GPR89B: variants seen among roughly 807,000 people sequenced by gnomAD.
GPR89B encodes the protein golgi pH regulator B, also known as G protein-coupled receptor 89B.
In GPR89B, 25 loss-of-function variants were observed where a neutral mutation model predicts 52.4. The observed-to-expected ratio is 0.48, with a 90% CI of 0.35 to 0.67. GPR89B has a LOEUF of 0.67. Among genes scored for constraint, GPR89B ranks in the 30% least tolerant of loss-of-function variants. The pLI is 0.01. For missense variants in GPR89B, 146 were observed against 450.2 expected (o/e 0.32, Z 6.11); for synonymous variants, 52 against 151.2 (o/e 0.34, Z 4.81).
At chr1:147,969,167 A>C (rs1403926941) in intron 9 of GPR89B, 2 of 503,710 alleles carry the variant, frequency 4.0e-6, no homozygotes, top group East Asian at 6.8e-5. Context: ...GAACACTCTC[A>C]AAAGTAGCAA....
intron 5 of GPR89B, among the ~76,000 whole-genome samples, chr1:147,952,218 C>G (rs1287191415): frequency 6.6e-6 from 1 of 152,082 alleles, no homozygotes; most frequent in Non-Finnish European, 1.5e-5. Context: ...TTTGTAATGG[C>G]TCCAAAATCA....
At chr1:148,003,382 C>G in the GPR89B span, among the ~76,000 whole-genome samples, 1 of 152,010 alleles carries the variant, frequency 6.6e-6, no homozygotes, top group Non-Finnish European at 1.5e-5. Flanking sequence ...CTGGCTCACA[C>G]CGGCTCACAA....
At chr1:147,934,317 C>T (rs1653903032) in intron 1 of GPR89B, among the ~76,000 whole-genome samples, 1 of 152,130 alleles carries the variant, frequency 6.6e-6, no homozygotes, top group Non-Finnish European at 1.5e-5. Flanking sequence ...GCTGGAACTA[C>T]AGGCATGCAC....
chr1:147,996,004 T>C, downstream of GPR89B: 1 of 713,346 alleles, frequency 1.4e-6, no homozygotes, highest in South Asian at 1.8e-5. Context: ...TTATTATTTC[T>C]CCTTGAGGTA....
chr1:147,997,479 C>A (rs1241930733), downstream of GPR89B, among the ~76,000 whole-genome samples: 2 of 152,044 alleles, frequency 1.3e-5, no homozygotes, highest in Non-Finnish European at 2.9e-5. Context: ...CGCAGCCCCC[C>A]AGATTCTCAG....
chr1:147,982,113 G>A (rs1476385815), intron 10 of GPR89B, among the ~76,000 whole-genome samples: 2 of 151,822 alleles, frequency 1.3e-5, no homozygotes, highest in East Asian at 3.8e-4. Flanking sequence ...AGGCTGGAGT[G>A]CAGTGGTGCA....
rs781968148 is a variant in GPR89B, at chr1:147,938,810, A to G, written c.199A>G (p.Asn67Asp). Residue 67 changes from asparagine to aspartate, a missense_variant, in exon 3 of 14, where the codon AAT (asparagine) becomes GAT (aspartate). Asn to Asp is a conservative substitution (Grantham distance 23, BLOSUM62 1). Coordinates refer to ENST00000314163, the MANE Select transcript of GPR89B (RefSeq NM_016334.5). ...CATCTTTGAAATCTTAGGAGTATTG[A>G]ATAGCAGGTGAGTAAGAGTACTGAA... ...LIIFEILGVL[N>D]SSSRYFHWKM... The G allele has an allele frequency of 4.5e-6, 7 of 1,562,742 alleles. No individual in the cohort carries two copies. Among genetic ancestry groups the G allele is most frequent in the Admixed American group, 1.8e-5 (1 of 56,080 alleles).
the GPR89B span, among the ~76,000 whole-genome samples, chr1:148,013,659 G>A: frequency 6.6e-6 from 1 of 152,016 alleles, no homozygotes; most frequent in East Asian, 1.9e-4. Flanking sequence ...CCTCCAGGAG[G>A]AGCGAGGAGT....
At chr1:148,001,009 C>A in the GPR89B span, among the ~76,000 whole-genome samples, 1 of 95,928 alleles carries the variant, frequency 1.0e-5, no homozygotes, top group African/African-American at 4.1e-5. Flanking sequence ...CTAATTGTTT[C>A]CTATTTTGGG....
At position 147,968,946 on chromosome 1, in the gene GPR89B, G is replaced by T; in HGVS notation, c.799G>T (p.Asp267Tyr). 1 of 1,608,058 alleles carries T rather than the reference G, an allele frequency of 6.2e-7. No homozygotes were observed. Residue 267 changes from aspartate to tyrosine, a missense_variant, in exon 9 of 14, where the codon GAT (aspartate) becomes TAT (tyrosine). Asp to Tyr is a radical substitution (Grantham distance 160, BLOSUM62 -3). Transcript: ENST00000314163. ...CAGGCAGCTTTTTCTGGAAACAGCT[G>T]ATCTATATGCTACCAAGGTACAGAG... ...LSRQLFLETA[D>Y]LYATKERIEY...
At chr1:148,024,697 A>G in the GPR89B span, 1 of 145,290 alleles carries the variant, frequency 6.9e-6, no homozygotes, top group Non-Finnish European at 1.5e-5. Flanking sequence ...AGACAGGGCC[A>G]TGGAAGACGC....
the GPR89B span, among the ~76,000 whole-genome samples, chr1:148,006,585 A>G: frequency 5.3e-5 from 8 of 152,176 alleles, no homozygotes; most frequent in African/African-American, 1.7e-4. Flanking sequence ...TACCTACGAT[A>G]GAGTTTAACT....
intron 10 of GPR89B, among the ~76,000 whole-genome samples, chr1:147,985,540 T>C (rs1658601915): frequency 6.6e-6 from 1 of 151,998 alleles, no homozygotes; most frequent in Admixed American, 6.5e-5. Flanking sequence ...GTCCATTCAT[T>C]TGTGTATTGT....
At chr1:147,933,767 A>G (rs1215180472) in intron 1 of GPR89B, among the ~76,000 whole-genome samples, 1 of 151,926 alleles carries the variant, frequency 6.6e-6, no homozygotes, top group South Asian at 2.1e-4. Flanking sequence ...GGGCTTTATC[A>G]TCTTTCATCT....
the GPR89B span, among the ~76,000 whole-genome samples, chr1:148,007,116 C>G: frequency 1.3e-4 from 18 of 142,696 alleles, no homozygotes; most frequent in Non-Finnish European, 2.6e-4. Context: ...TGCTTTATCG[C>G]CCAGCCTGGA....
At chr1:147,982,905 G>A (rs1395088147) in intron 10 of GPR89B, among the ~76,000 whole-genome samples, 3 of 152,006 alleles carry the variant, frequency 2.0e-5, no homozygotes, top group Non-Finnish European at 2.9e-5. Context: ...TCTCTTTGAA[G>A]CAATTGTGAA....
chr1:147,979,814 C>T (rs1490607397), intron 10 of GPR89B, among the ~76,000 whole-genome samples: 1 of 151,954 alleles, frequency 6.6e-6, no homozygotes, highest in Non-Finnish European at 1.5e-5. Context: ...ATTGTCTGAG[C>T]ATGTTGGCTC....
At position 147,989,963 on chromosome 1, in the gene GPR89B, C is replaced by G. The variant is rs1226018973; in HGVS notation, c.1095+1442C>G. Among the ~76,000 whole-genome samples, 1,198 of 152,252 alleles carry G rather than the reference C, an allele frequency of 7.9e-3. 22 individuals carry two copies. Among genetic ancestry groups the G allele is most frequent in the East Asian group, 0.046 (240 of 5,186 alleles). ...CTTTATAGCAGCATGATTTATAATC[C>G]TTTGGGTATATACCCAGTAATGGGA... On this transcript the variant is annotated intron_variant, in intron 12 of 13. Transcript: ENST00000314163.
chr1:147,969,743 A>G (rs1657282663), intron 9 of GPR89B, 124 bp from the exon 10 acceptor site: 4 of 1,435,486 alleles, frequency 2.8e-6, no homozygotes, highest in Non-Finnish European at 9.4e-7. Flanking sequence ...TATTAGTTTA[A>G]TATTATTGCA....
Sources: allele counts gnomAD v4.1 joint callset (sites outside exome capture counted in the v4.1 genomes callset), GRCh38; gene constraint gnomAD v4.1.1; transcripts MANE v1.5; gene names NCBI Gene and HGNC (gene_info 2026-07-23, HGNC 2026-07-21).